Variants in DPY19L1 observed in about 807,000 individuals in gnomAD.
DPY19L1 encodes the protein dpy-19 like C-mannosyltransferase 1, also known as protein C-mannosyl-transferase DPY19L1.
Under a neutral mutation model 96.9 loss-of-function variants are expected in DPY19L1, and 35 were observed. That is an observed-to-expected ratio of 0.36 (90% confidence interval 0.28 to 0.48). DPY19L1 has a LOEUF of 0.48. DPY19L1 is among the 20% of genes least tolerant of loss of function. The pLI, the probability that DPY19L1 is intolerant of heterozygous loss-of-function variation, is 0.99. For synonymous variants in DPY19L1, 205 were observed against 252.6 expected, an observed-to-expected ratio of 0.81 and a Z score of 1.79; for missense variants, 521 against 777.9, an observed-to-expected ratio of 0.67 and a Z score of 3.93.
intron 10 of DPY19L1, 116 bp downstream of exon 10, chr7:34,966,778 C>T: frequency 3.0e-6 from 3 of 996,498 alleles, no homozygotes; most frequent in Non-Finnish European, 4.2e-6. Context: ...AATGTTTGAA[C>T]AACATTTGTT....
chr7:35,004,456 G>C (rs1785504832), intron 6 of DPY19L1, among the ~76,000 whole-genome samples: 2 of 152,186 alleles, frequency 1.3e-5, no homozygotes, highest in Non-Finnish European at 2.9e-5. Context: ...CCAAAAGTTA[G>C]GATGTCATTT....
chr7:34,958,046 A>G lies in DPY19L1; in HGVS notation c.1117T>C (p.Leu373=). Residue 373 remains leucine (L), a synonymous_variant, in exon 11 of 22, where the codon TTG becomes CTG. Transcript: ENST00000638088. ...HMISLALCFV[L]MFGNSMLLTS... ...AATAACATTGAGTTCCCAAACATCA[A>G]AACAAAACAAAGTGCAAGAGAAATC... 1 of 1,586,404 alleles carries G rather than the reference A, an allele frequency of 6.3e-7. No individual in the cohort carries two copies. The highest frequency in any genetic ancestry group is 8.5e-7 in the Non-Finnish European group (1 of 1,172,498).
chr7:35,006,386 T>C (rs993768157), intron 6 of DPY19L1, among the ~76,000 whole-genome samples: 1 of 152,076 alleles, frequency 6.6e-6, no homozygotes, highest in Non-Finnish European at 1.5e-5. Flanking sequence ...ACACCAAAAG[T>C]TTTTTGTATT....
intron 4 of DPY19L1, among the ~76,000 whole-genome samples, chr7:35,012,563 C>CT (rs1270692439): frequency 6.6e-6 from 1 of 152,064 alleles, no homozygotes; most frequent in Non-Finnish European, 1.5e-5. Context: ...ACACACAATA[C>CT]ATTTTCAAAA....
chr7:34,963,959 G>A (rs1370796529), intron 10 of DPY19L1, among the ~76,000 whole-genome samples: 2 of 152,098 alleles, frequency 1.3e-5, no homozygotes, highest in Non-Finnish European at 2.9e-5. Context: ...GACTTTAATG[G>A]GTATAAAGTT....
intron 10 of DPY19L1, among the ~76,000 whole-genome samples, chr7:34,962,862 C>T (rs1449540244): frequency 2.6e-5 from 4 of 152,066 alleles, no homozygotes; most frequent in Non-Finnish European, 5.9e-5. Context: ...TGGTTGGGGG[C>T]AGGGGGTATA....
chr7:34,973,696 A>G, intron 7 of DPY19L1, 91 bp from the exon 8 acceptor site: 1 of 648,896 alleles, frequency 1.5e-6, no homozygotes, highest in Non-Finnish European at 2.3e-6. Flanking sequence ...AATTATTTTT[A>G]ACAAATAATT....
chr7:34,941,425 T>A (rs1175837801), intron 18 of DPY19L1, among the ~76,000 whole-genome samples: 1 of 152,248 alleles, frequency 6.6e-6, no homozygotes, highest in African/African-American at 2.4e-5. Context: ...CAAGCACTTA[T>A]AACCTGAAAT....
chr7:34,974,531 A>C (rs1784793820), intron 7 of DPY19L1, among the ~76,000 whole-genome samples: 1 of 152,208 alleles, frequency 6.6e-6, no homozygotes, highest in African/African-American at 2.4e-5. Flanking sequence ...CCTTTATGAA[A>C]CTGACATACA....
At chr7:34,938,961 C>T (rs1783932414) in intron 20 of DPY19L1, 2 of 210,730 alleles carry the variant, frequency 9.5e-6, no homozygotes, top group African/African-American at 2.3e-5. Flanking sequence ...AGCTAAACTC[C>T]CCAGGGAGTT....
chr7:35,003,049 C>T lies in DPY19L1; in HGVS notation c.764+7419G>A, dbSNP rs569570971. Among the ~76,000 whole-genome samples the T allele has an allele frequency of 1.1e-4, 16 of 152,270 alleles. No individual in the cohort carries two copies. In the East Asian group the frequency reaches 1.9e-3, roughly 18 times the overall value. On this transcript the variant is annotated intron_variant, in intron 6 of 21. Coordinates refer to ENST00000638088, the MANE Select transcript of DPY19L1 (RefSeq NM_001366673.1). Reference sequence around the variant, plus strand: ...CCTCCCAAAATGCTGGGATTACAGGCGTGAGCCACCGTGCCCGGCCAGCAA... The same window carrying T: ...CCTCCCAAAATGCTGGGATTACAGGTGTGAGCCACCGTGCCCGGCCAGCAA...
At chr7:34,957,487 T>C (rs1359388550) in intron 11 of DPY19L1, among the ~76,000 whole-genome samples, 2 of 152,178 alleles carry the variant, frequency 1.3e-5, no homozygotes, top group African/African-American at 2.4e-5. Context: ...AAATAATCTC[T>C]CCATAATCTA....
intron 6 of DPY19L1, among the ~76,000 whole-genome samples, chr7:34,996,668 G>C (rs1373534101): frequency 6.6e-6 from 1 of 151,844 alleles, no homozygotes; most frequent in Non-Finnish European, 1.5e-5. Context: ...ACAATGAATG[G>C]ACCCAATCCC....
intron 10 of DPY19L1, among the ~76,000 whole-genome samples, chr7:34,960,070 T>G (rs1418291050): frequency 1.3e-5 from 2 of 150,950 alleles, no homozygotes; most frequent in Non-Finnish European, 3.0e-5. Flanking sequence ...AAATTTATCT[T>G]TCATTTCCTT....
chr7:34,940,376 G>A lies in DPY19L1; in HGVS notation c.1690-49C>T, dbSNP rs1369666218. ...TGGTAATTGTTAGTATAAGTAGTAT[G>A]CATCTGTTATGCAAAACTTCTTCCC... On this transcript the variant is annotated intron_variant, in intron 18 of 21. Transcript: ENST00000638088. 14 of 1,502,672 alleles carry A rather than the reference G, an allele frequency of 9.3e-6. No individual in the cohort carries two copies. The East Asian group carries it at 2.6e-4, about 28-fold the overall frequency. 93.1% of individuals were successfully genotyped at this position (1,502,672 alleles called of 1,614,324 possible). A position where few individuals can be genotyped will look rare whatever the true frequency, so the allele number is the denominator to read the frequency against.
At chr7:34,962,152 G>A (rs768557078) in intron 10 of DPY19L1, among the ~76,000 whole-genome samples, 3 of 152,086 alleles carry the variant, frequency 2.0e-5, no homozygotes, top group Non-Finnish European at 2.9e-5. Context: ...AGATGTTTAC[G>A]GCAGCTTTAT....
At chr7:35,011,950 C>A (rs1785720940) in intron 4 of DPY19L1, among the ~76,000 whole-genome samples, 1 of 152,176 alleles carries the variant, frequency 6.6e-6, no homozygotes, top group South Asian at 2.1e-4. Flanking sequence ...GTGATACTGG[C>A]ACAAGAATGG....
intron 1 of DPY19L1, among the ~76,000 whole-genome samples, chr7:35,035,820 C>G (rs996009814): frequency 3.3e-5 from 5 of 152,050 alleles, no homozygotes; most frequent in African/African-American, 1.2e-4. Context: ...TCTGAAGGCT[C>G]TGCCTCATCC....
chr7:34,952,981 T>C (rs186464029), intron 13 of DPY19L1, among the ~76,000 whole-genome samples: 1 of 151,964 alleles, frequency 6.6e-6, no homozygotes, highest in Non-Finnish European at 1.5e-5. Flanking sequence ...ACCACCCCCA[T>C]CTCCCCCATA....
Sources: gnomAD v4.1 joint callset for allele counts (sites outside exome capture counted in the v4.1 genomes callset) on GRCh38, gnomAD v4.1.1 for gene constraint, MANE v1.5 for transcripts, NCBI Gene and HGNC (gene_info 2026-07-23, HGNC 2026-07-21) for gene names.